Variants in LPCAT1 observed in about 807,000 individuals in gnomAD.
The protein encoded by LPCAT1 is lysophosphatidylcholine acyltransferase 1.
Under a neutral mutation model 60.9 loss-of-function variants are expected in LPCAT1, and 23 were observed. The ratio of observed to expected loss-of-function variants is 0.38; its 90% CI spans 0.27 to 0.53. The LOEUF is 0.53. LPCAT1 is among the 20% of genes least tolerant of loss of function. The probability of loss-of-function intolerance (pLI) is 0.82; values close to 1 mark genes in which losing one functional copy is unlikely to be tolerated. For synonymous variants in LPCAT1, 340 were observed against 301.1 expected, an observed-to-expected ratio of 1.13 and a Z score of -1.34; for missense variants, 622 against 723.6, an observed-to-expected ratio of 0.86 and a Z score of 1.61.
rs1028215627 is a variant in LPCAT1, at chr5:1,488,584, C to T, written c.607-133G>A. On this transcript the variant is annotated intron_variant, in intron 4 of 13. Transcript: ENST00000283415. ...TTGGACACTGGGATCATATTCAGTA[C>T]GTAAATTATTAAAATGCATTATGGA... The T allele has an allele frequency of 5.6e-5, 34 of 603,014 alleles. 1 individual carries two copies. The highest frequency in any genetic ancestry group is 2.5e-4 in the South Asian group (11 of 43,842). 37.4% of individuals were successfully genotyped at this position (603,014 alleles called of 1,614,324 possible).
intron 11 of LPCAT1, among the ~76,000 whole-genome samples, chr5:1,471,512 AC>A (rs1344645627): frequency 5.9e-5 from 9 of 152,222 alleles, no homozygotes; most frequent in African/African-American, 2.2e-4. Context: ...GACAGTCTGC[AC>A]GTGGCTGCAG....
At position 1,522,469 on chromosome 5, in the gene LPCAT1, C is replaced by G. The variant is rs1246686394; in HGVS notation, c.135+1241G>C. 6.6e-6 allele frequency among the ~76,000 whole-genome samples: 1 copy of G among 152,090 alleles called. No homozygotes were observed. The highest frequency in any genetic ancestry group is 2.4e-5 in the African/African-American group (1 of 41,404). On this transcript the variant is annotated intron_variant, in intron 1 of 13. Coordinates refer to ENST00000283415, the MANE Select transcript of LPCAT1 (RefSeq NM_024830.5). This position sits in a 1 kb window ranked among gnomAD's most constrained non-coding sequence, Gnocchi z 6.8. ...CACACAGGGAGACGGGGGCCAGGGCCTGGGAGCCAGGCTGGGGACGACCTC... is the reference window on the plus strand; with the variant it reads ...CACACAGGGAGACGGGGGCCAGGGCGTGGGAGCCAGGCTGGGGACGACCTC...
rs995501736 is a variant in LPCAT1, at chr5:1,464,789, C to T, written c.1421-954G>A. Among the ~76,000 whole-genome samples, 169 of 150,136 alleles carry T rather than the reference C, an allele frequency of 1.1e-3. 3 individuals carry two copies. Among genetic ancestry groups the T allele is most frequent in the South Asian group, 6.3e-3 (30 of 4,738 alleles). Reference sequence around the variant, plus strand: ...CACACGGTAACCAAACACACGTGCGCGCACACACACAAAACAAGCACACAC... The same window carrying T: ...CACACGGTAACCAAACACACGTGCGTGCACACACACAAAACAAGCACACAC... On this transcript the variant is annotated intron_variant, in intron 13 of 13. Coordinates refer to ENST00000283415, the MANE Select transcript of LPCAT1 (RefSeq NM_024830.5).
At chr5:1,509,278 C>T (rs1212341741) in intron 1 of LPCAT1, among the ~76,000 whole-genome samples, 1 of 152,246 alleles carries the variant, frequency 6.6e-6, no homozygotes, top group East Asian at 1.9e-4. Flanking sequence ...CAGGAATGCT[C>T]CCTCCTGAAG....
intron 7 of LPCAT1, 106 bp from the exon 8 acceptor site, chr5:1,479,781 C>CG: frequency 1.2e-6 from 1 of 859,792 alleles, no homozygotes; most frequent in Non-Finnish European, 1.9e-6. Context: ...CCAGAGGGCG[C>CG]TACTGGGCAG....
chr5:1,514,110 G>A (rs1736434362), intron 1 of LPCAT1, among the ~76,000 whole-genome samples: 1 of 152,246 alleles, frequency 6.6e-6, no homozygotes, highest in African/African-American at 2.4e-5. Flanking sequence ...CAGCCCGAGA[G>A]CAGAACCCCC....
At chr5:1,503,079 C>G (rs374545920) in intron 1 of LPCAT1, among the ~76,000 whole-genome samples, 4 of 152,190 alleles carry the variant, frequency 2.6e-5, no homozygotes, top group African/African-American at 9.7e-5. Context: ...TGTGTCTCCA[C>G]CCTGTCAGTG....
intron 1 of LPCAT1, among the ~76,000 whole-genome samples, chr5:1,512,459 C>T (rs754510357): frequency 1.1e-4 from 17 of 152,366 alleles, no homozygotes; most frequent in Non-Finnish European, 2.2e-4. Context: ...GGGCCATAGA[C>T]CCCCAACATC....
rs200312026 is a variant in LPCAT1, at chr5:1,494,800, C to A, written c.393G>T (p.Thr131=). 1.2e-6 allele frequency: 2 copies of A among 1,614,094 alleles called. No homozygotes were observed. The highest frequency in any genetic ancestry group is 3.3e-5 in the Admixed American group (2 of 60,034). Residue 131 remains threonine (T), a synonymous_variant, in exon 3 of 14, where the codon ACG becomes ACT. Coordinates refer to ENST00000283415, the MANE Select transcript of LPCAT1 (RefSeq NM_024830.5). ...CGAAGTAGGACGAGTGAGGCGCGAG[C>A]GTGAGGATGGCCGCCTCGGTGGGCA... ...QALPTEAAIL[T]LAPHSSYFDA...
chr5:1,521,045 A>G lies in LPCAT1; in HGVS notation c.135+2665T>C, dbSNP rs1194086089. Among the ~76,000 whole-genome samples, 1 of 152,182 alleles carries G rather than the reference A, an allele frequency of 6.6e-6. No homozygotes were observed. The highest frequency in any genetic ancestry group is 1.5e-5 in the Non-Finnish European group (1 of 68,030). ...TGAATGTGTGACTATGAAGAACCTC[A>G]GCTGAACTCACTAAGATCCTGTACC... On this transcript the variant is annotated intron_variant, in intron 1 of 13. Coordinates refer to ENST00000283415, the MANE Select transcript of LPCAT1 (RefSeq NM_024830.5). This position sits in a 1 kb window ranked among gnomAD's most constrained non-coding sequence, Gnocchi z 4.3.
rs1365977274 is a variant in LPCAT1, at chr5:1,523,924, G to T, written c.-80C>A. 2.1e-6 allele frequency: 2 copies of T among 949,800 alleles called. No individual in the cohort carries two copies. Among genetic ancestry groups the T allele is most frequent in the Admixed American group, 6.1e-5 (1 of 16,434 alleles). 58.8% of individuals were successfully genotyped at this position (949,800 alleles called of 1,614,324 possible). A position where few individuals can be genotyped will look rare whatever the true frequency, so the allele number is the denominator to read the frequency against. The stretch of plus-strand genomic sequence containing the variant: ...CCGGGGCTAGCTGGGCGCGGGTCTC[G>T]GGGCGCGGGCCGAGGATGCGCGGCG... On this transcript the variant is annotated 5_prime_UTR_variant, in exon 1 of 14. Transcript: ENST00000283415. The surrounding 1 kb of genome is among the most constrained non-coding windows in gnomAD (Gnocchi z 7.1).
intron 1 of LPCAT1, among the ~76,000 whole-genome samples, 195 bp from the exon 2 acceptor site, chr5:1,501,798 T>C (rs976167298): frequency 6.6e-6 from 1 of 150,472 alleles, no homozygotes; most frequent in Admixed American, 6.6e-5. Flanking sequence ...GGCTGACCAG[T>C]GCTGACCGGC....
rs1044230154 is a variant in LPCAT1 at position 1,476,331 on chromosome 5, C to T, written c.899+1073G>A. On this transcript the variant is annotated intron_variant, in intron 9 of 13. Transcript: ENST00000283415. The surrounding 1 kb of genome is among the most constrained non-coding windows in gnomAD (Gnocchi z 8.6). ...GTGGTGGGGGTTGAGTGGAGCTTTGCGGGACAGAGACTGCCGGGCCCATTT... is the reference window on the plus strand; with the variant it reads ...GTGGTGGGGGTTGAGTGGAGCTTTGTGGGACAGAGACTGCCGGGCCCATTT... Among the ~76,000 whole-genome samples the T allele has an allele frequency of 1.3e-5, 2 of 152,070 alleles. No homozygotes were observed. The highest frequency in any genetic ancestry group is 4.8e-5 in the African/African-American group (2 of 41,408).
Position 1,521,212 on chromosome 5 carries a change from G to T in LPCAT1, c.135+2498C>A. ...GTTTTCTGTCCAAAGAGATACTTAA[G>T]CTCCTCACTAAATCTGTAGTTAAAT... On this transcript the variant is annotated intron_variant, in intron 1 of 13. Coordinates refer to ENST00000283415, the MANE Select transcript of LPCAT1 (RefSeq NM_024830.5). The surrounding 1 kb of genome is among the most constrained non-coding windows in gnomAD (Gnocchi z 4.3). The T allele has an allele frequency of 2.3e-6, 1 of 437,012 alleles. No homozygotes were observed. Among genetic ancestry groups the T allele is most frequent in the Non-Finnish European group, 3.0e-6 (1 of 328,966 alleles). The allele number at this position is 437,012 out of a possible 1,614,324, so 27.1% of individuals were successfully genotyped here. A position where few individuals can be genotyped will look rare whatever the true frequency, so the allele number is the denominator to read the frequency against.
At position 1,480,356 on chromosome 5, in the gene LPCAT1, A is replaced by G. The variant is rs199701568; in HGVS notation, c.761+586T>C. The G allele has an allele frequency of 9.0e-4, 883 of 985,220 alleles. 16 individuals are homozygous for G. In the South Asian group the frequency reaches 0.029, roughly 33 times the overall value. 61.0% of individuals were successfully genotyped at this position (985,220 alleles called of 1,614,324 possible). On this transcript the variant is annotated intron_variant, in intron 7 of 13. Transcript: ENST00000283415. The surrounding 1 kb of genome is among the most constrained non-coding windows in gnomAD (Gnocchi z 6.4). ...ACATCCTCCCAAACGCCTGGAATGG[A>G]GCTGCTCTCTCTTGGACTTTCCCGC...
At chr5:1,514,105 C>A (rs185499771) in intron 1 of LPCAT1, among the ~76,000 whole-genome samples, 1 of 152,218 alleles carries the variant, frequency 6.6e-6, no homozygotes, top group African/African-American at 2.4e-5. Context: ...ATGGGCAGCC[C>A]GAGAGCAGAA....
intron 1 of LPCAT1, among the ~76,000 whole-genome samples, chr5:1,506,412 C>A (rs947644312): frequency 6.6e-6 from 1 of 152,212 alleles, no homozygotes; most frequent in Non-Finnish European, 1.5e-5. Context: ...TTCTATGACC[C>A]CGCACCTTCT....
At chr5:1,517,266 C>G (rs182162695) in intron 1 of LPCAT1, among the ~76,000 whole-genome samples, 2 of 152,218 alleles carry the variant, frequency 1.3e-5, no homozygotes, top group African/African-American at 2.4e-5. Flanking sequence ...TGTCATGGGC[C>G]GCGTGGGGAT....
chr5:1,479,433 G>C, intron 8 of LPCAT1, 188 bp downstream of exon 8: 1 of 604,258 alleles, frequency 1.7e-6, no homozygotes, highest in Non-Finnish European at 3.0e-6. Flanking sequence ...AGACTCATAA[G>C]AGAGACATAA....
Sources: gnomAD v4.1 joint callset for allele counts (sites outside exome capture counted in the v4.1 genomes callset) on GRCh38, gnomAD v4.1.1 for gene constraint, Gnocchi (gnomAD v3.1) non-coding constraint, MANE v1.5 for transcripts, NCBI Gene and HGNC (gene_info 2026-07-23, HGNC 2026-07-21) for gene names.